Variants in DMD observed in about 807,000 individuals in gnomAD.
DMD encodes the protein dystrophin.
A neutral mutation model predicts 330.1 loss-of-function variants in DMD; 63 were observed. That is an observed-to-expected ratio of 0.19 (90% CI 0.16 to 0.24). The LOEUF is 0.24. Among genes scored for constraint, DMD ranks in the 10% least tolerant of loss-of-function variants. The pLI is 1.00. For synonymous variants in DMD, 1,223 were observed against 959.8 expected (o/e 1.27, Z -5.07); for missense variants, 3,344 against 2,684.1 (o/e 1.25, Z -5.43).
chrX:32,764,620 G>A (rs1205245511), intron 7 of DMD, among the ~76,000 whole-genome samples: 3 of 111,774 alleles, frequency 2.7e-5, no homozygotes, highest in Non-Finnish European at 5.6e-5. Flanking sequence ...ATGTGTGTCA[G>A]AACTTTCTTA....
At chrX:31,157,589 A>C (rs1015005422) in intron 74 of DMD, among the ~76,000 whole-genome samples, 1 of 111,261 alleles carries the variant, frequency 9.0e-6, no homozygotes, top group Non-Finnish European at 1.9e-5. Context: ...TGTGGTCAGC[A>C]AAAAGCCGTA....
intron 44 of DMD, among the ~76,000 whole-genome samples, chrX:32,017,692 A>G (rs1408961459): frequency 5.4e-5 from 6 of 111,895 alleles, no homozygotes; most frequent in Non-Finnish European, 9.4e-5. Flanking sequence ...AAGATGAAGC[A>G]AGAGTACAAC....
chrX:33,073,453 G>A (rs932067629), intron 1 of DMD, among the ~76,000 whole-genome samples: 1 of 111,708 alleles, frequency 9.0e-6, no homozygotes, highest in African/African-American at 3.3e-5. Context: ...AGGCCCAACT[G>A]CCAATAAGTT....
At chrX:32,297,561 C>T (rs964037282) in intron 42 of DMD, among the ~76,000 whole-genome samples, 5 of 111,538 alleles carry the variant, frequency 4.5e-5, no homozygotes, top group African/African-American at 9.8e-5. Flanking sequence ...CGTGAGCCAC[C>T]GCGCCCAGCC....
intron 18 of DMD, chrX:32,517,655 A>T (rs1249424265): frequency 6.7e-6 from 2 of 298,255 alleles, no homozygotes; most frequent in Non-Finnish European, 1.2e-5. Flanking sequence ...ACTCTATTCT[A>T]CTCTACACAA....
intron 77 of DMD, 66 bp downstream of exon 77, chrX:31,134,036 G>C: frequency 1.0e-6 from 1 of 988,056 alleles, no homozygotes; most frequent in Non-Finnish European, 1.4e-6. Flanking sequence ...ACACACACCA[G>C]TTGGGTAGGG....
chrX:31,517,963 A>C (rs1001368933), intron 55 of DMD, among the ~76,000 whole-genome samples: 1 of 95,815 alleles, frequency 1.0e-5, no homozygotes, highest in East Asian at 3.3e-4. Flanking sequence ...ACACACACAC[A>C]CCTTGGGGCC....
chrX:31,183,013 TAGAA>T (rs1454553098), intron 67 of DMD, 109 bp from the exon 68 acceptor site: 2 of 687,400 alleles, frequency 2.9e-6, no homozygotes, highest in Non-Finnish European at 4.3e-6. Context: ...ACAGAAAAGA[TAGAA>T]AGAACAATGG....
chrX:32,705,369 C>A (rs2064523911), intron 7 of DMD, among the ~76,000 whole-genome samples: 1 of 112,071 alleles, frequency 8.9e-6, no homozygotes, highest in African/African-American at 3.2e-5. Context: ...TGAATTTCAT[C>A]ATAAAATTAA....
chrX:31,210,012 T>C (rs1975518946), intron 64 of DMD, among the ~76,000 whole-genome samples: 1 of 110,952 alleles, frequency 9.0e-6, no homozygotes, highest in Admixed American at 9.6e-5. Flanking sequence ...CTGTTCTACA[T>C]AAACAGAGTC....
At chrX:31,441,555 A>G (rs1203740003) in intron 60 of DMD, among the ~76,000 whole-genome samples, 1 of 112,243 alleles carries the variant, frequency 8.9e-6, no homozygotes, top group East Asian at 2.8e-4. Flanking sequence ...ATGAACTTGT[A>G]CTTGGTTTTT....
At chrX:31,951,123 ATATATATATATATATATGTG>A (rs1569521161) in intron 45 of DMD, among the ~76,000 whole-genome samples, 3 of 60,900 alleles carry the variant, frequency 4.9e-5, no homozygotes, top group Admixed American at 1.7e-4. Flanking sequence ...ATATATATAC[ATATATATATATATATATGTG>A]TATATATATA....
chrX:33,252,315 T>G (rs1200037509), intron 1 of DMD, among the ~76,000 whole-genome samples: 1 of 110,855 alleles, frequency 9.0e-6, no homozygotes, highest in African/African-American at 3.3e-5. Context: ...TCTTAAGTAC[T>G]ATCTCCTTTT....
At chrX:31,400,204 T>C (rs1280865646) in intron 60 of DMD, among the ~76,000 whole-genome samples, 1 of 111,475 alleles carries the variant, frequency 9.0e-6, no homozygotes, top group Non-Finnish European at 1.9e-5. Context: ...CTGTCTCCCA[T>C]TCTATTCAAA....
chrX:33,010,000 A>C (rs1442586696), intron 2 of DMD, among the ~76,000 whole-genome samples: 1 of 28,799 alleles, frequency 3.5e-5, no homozygotes, highest in African/African-American at 1.5e-4. Context: ...ATATACACGT[A>C]TGTATGTGTA....
At chrX:33,224,426 G>A (rs2052246594) in intron 1 of DMD, among the ~76,000 whole-genome samples, 1 of 111,454 alleles carries the variant, frequency 9.0e-6, no homozygotes, top group South Asian at 3.8e-4. Flanking sequence ...AATACACTAA[G>A]GAAACTTAAA....
chrX:32,138,538 T>A (rs2096738283), intron 44 of DMD, among the ~76,000 whole-genome samples: 1 of 112,233 alleles, frequency 8.9e-6, no homozygotes, highest in Admixed American at 9.5e-5. Context: ...TTTTTTAAAT[T>A]CTTGCATCAT....
chrX:31,545,844 C>T (rs1229022493), intron 55 of DMD, among the ~76,000 whole-genome samples: 1 of 111,858 alleles, frequency 8.9e-6, no homozygotes, highest in Non-Finnish European at 1.9e-5. Flanking sequence ...GAGTTACTGT[C>T]CTAAATAAGT....
At chrX:32,292,485 CTT>C (rs1177015592) in intron 42 of DMD, among the ~76,000 whole-genome samples, 1 of 107,349 alleles carries the variant, frequency 9.3e-6, no homozygotes, top group Non-Finnish European at 1.9e-5. Flanking sequence ...TTTTTTGTAT[CTT>C]TAGTAGAGAC....
Sources: allele counts gnomAD v4.1 joint callset (sites outside exome capture counted in the v4.1 genomes callset), GRCh38; gene constraint gnomAD v4.1.1; transcripts MANE v1.5; gene names NCBI Gene and HGNC (gene_info 2026-07-23, HGNC 2026-07-21).